Variants in CCDC126 observed in about 807,000 individuals in gnomAD.
The protein encoded by CCDC126 is coiled-coil domain containing 126, also known as coiled-coil domain-containing protein 126.
In CCDC126, 5 loss-of-function variants were observed where a neutral mutation model predicts 11.7. That is an observed-to-expected ratio of 0.43 (90% CI 0.22 to 0.90). CCDC126 has a LOEUF of 0.90. CCDC126 is among the 40% of genes least tolerant of loss of function. The probability of loss-of-function intolerance (pLI) is 0.27; values close to 1 mark genes in which losing one functional copy is unlikely to be tolerated. For missense variants in CCDC126, 150 were observed against 163.1 expected, an observed-to-expected ratio of 0.92 and a Z score of 0.44; for synonymous variants, 60 against 61.9, an observed-to-expected ratio of 0.97 and a Z score of 0.14.
chr7:23,643,198 C>T lies in CCDC126; in HGVS notation c.*83C>T. On this transcript the variant is annotated 3_prime_UTR_variant, in exon 4 of 4. Coordinates refer to ENST00000307471, the MANE Select transcript of CCDC126 (RefSeq NM_138771.4). ...AAGCTTTATAATTGCTGGCTTAGGA[C>T]AGAGCAATACTTTACAATAAAAGCT... is the stretch of plus-strand genomic sequence containing the variant. 8 of 1,152,580 alleles carry T rather than the reference C, an allele frequency of 6.9e-6. No individual in the cohort carries two copies. Among genetic ancestry groups the T allele is most frequent in the Non-Finnish European group, 9.8e-6 (8 of 818,442 alleles). 71.4% of individuals were successfully genotyped at this position (1,152,580 alleles called of 1,614,324 possible). A position where few individuals can be genotyped will look rare whatever the true frequency, so the allele number is the denominator to read the frequency against.
chr7:23,641,472 A>G (rs937983005), intron 3 of CCDC126, among the ~76,000 whole-genome samples: 6 of 152,126 alleles, frequency 3.9e-5, no homozygotes, highest in African/African-American at 1.4e-4. Context: ...CATTTTCTTG[A>G]TTAATGTCCT....
chr7:23,605,054 G>A (rs1043508556), intron 2 of CCDC126, among the ~76,000 whole-genome samples: 1 of 151,866 alleles, frequency 6.6e-6, no homozygotes, highest in Non-Finnish European at 1.5e-5. Flanking sequence ...AGTGGGATAG[G>A]AATTGGAGTG....
chr7:23,630,750 C>CAA (rs1783096408), intron 3 of CCDC126, among the ~76,000 whole-genome samples: 2 of 135,392 alleles, frequency 1.5e-5, no homozygotes, highest in South Asian at 2.3e-4. Flanking sequence ...AAAAAAAAGT[C>CAA]CATAGAATAT....
At chr7:23,636,274 A>G (rs370721238) in intron 3 of CCDC126, among the ~76,000 whole-genome samples, 1 of 151,682 alleles carries the variant, frequency 6.6e-6, no homozygotes, top group Non-Finnish European at 1.5e-5. Flanking sequence ...GCCTCTGCCC[A>G]GCCGCCACCC....
intron 3 of CCDC126, chr7:23,622,687 A>G (rs1782936141): frequency 1.9e-6 from 1 of 531,888 alleles, no homozygotes; most frequent in South Asian, 1.4e-5. Context: ...ACTGCTTAGT[A>G]CAGAGAGTAG....
At chr7:23,602,049 C>T (rs898812945) in intron 2 of CCDC126, 4 of 152,104 alleles carry the variant, frequency 2.6e-5, no homozygotes, top group African/African-American at 9.7e-5. Context: ...ATGTCTGTGG[C>T]TAGGGAGAAA....
intron 3 of CCDC126, among the ~76,000 whole-genome samples, chr7:23,641,825 C>T (rs1783363075): frequency 6.6e-6 from 1 of 152,212 alleles, no homozygotes; most frequent in Non-Finnish European, 1.5e-5. Flanking sequence ...TCTTCCCCAC[C>T]ATTTTTCTGC....
chr7:23,617,164 A>G (rs1401784566), intron 3 of CCDC126, among the ~76,000 whole-genome samples: 3 of 152,020 alleles, frequency 2.0e-5, no homozygotes, highest in African/African-American at 4.8e-5. Context: ...CCTGGCCGAC[A>G]TGGTGAAACC....
intron 3 of CCDC126, among the ~76,000 whole-genome samples, chr7:23,637,935 C>G (rs1584219484): frequency 8.0e-6 from 1 of 125,512 alleles, no homozygotes; most frequent in Non-Finnish European, 1.8e-5. Flanking sequence ...ACCCCTCTGC[C>G]CGGCCAGCCG....
At chr7:23,622,535 C>G in intron 3 of CCDC126, 3 of 521,368 alleles carry the variant, frequency 5.8e-6, no homozygotes, top group East Asian at 1.1e-4. Context: ...GATGGACTGT[C>G]TGTATGCCAG....
At chr7:23,619,408 GA>G in intron 3 of CCDC126, 1 of 420,848 alleles carries the variant, frequency 2.4e-6, no homozygotes, top group South Asian at 1.9e-5. Flanking sequence ...GAGGCTTAAA[GA>G]AAAGGATAGA....
chr7:23,632,838 A>C (rs1420049371), intron 3 of CCDC126, among the ~76,000 whole-genome samples: 1 of 152,222 alleles, frequency 6.6e-6, no homozygotes, highest in Non-Finnish European at 1.5e-5. Flanking sequence ...GTAGATATTT[A>C]AGACGTAGTC....
intron 2 of CCDC126, among the ~76,000 whole-genome samples, chr7:23,608,466 T>C (rs1782655730): frequency 6.6e-6 from 1 of 152,202 alleles, no homozygotes; most frequent in African/African-American, 2.4e-5. Flanking sequence ...ACTATGATTT[T>C]TTTTGTGATT....
At chr7:23,611,688 A>C (rs1782713684) in intron 3 of CCDC126, 135 bp downstream of exon 3, 2 of 655,308 alleles carry the variant, frequency 3.1e-6, no homozygotes, top group African/African-American at 3.6e-5. Context: ...AAAATTTCAA[A>C]TGTACTGAAA....
intron 3 of CCDC126, among the ~76,000 whole-genome samples, chr7:23,630,861 A>G (rs1783098698): frequency 6.6e-6 from 1 of 152,034 alleles, no homozygotes; most frequent in African/African-American, 2.4e-5. Flanking sequence ...TGTAGAAATC[A>G]ATAATGGAAA....
chr7:23,631,722 C>G (rs931024556), intron 3 of CCDC126, among the ~76,000 whole-genome samples: 1 of 151,828 alleles, frequency 6.6e-6, no homozygotes, highest in African/African-American at 2.4e-5. Context: ...GATGGAGCCA[C>G]TGCACCTCAG....
rs987824867 is a variant in CCDC126 at position 23,643,886 on chromosome 7, T to G, written c.*771T>G. The G allele has an allele frequency of 2.6e-5, 4 of 152,138 alleles. No homozygotes were observed. The highest frequency in any genetic ancestry group is 9.7e-5 in the African/African-American group (4 of 41,446). The allele number at this position is 152,138 out of a possible 1,614,324, so 9.4% of individuals were successfully genotyped here. A position where few individuals can be genotyped will look rare whatever the true frequency, so the allele number is the denominator to read the frequency against. On this transcript the variant is annotated 3_prime_UTR_variant, in exon 4 of 4. Coordinates refer to ENST00000307471, the MANE Select transcript of CCDC126 (RefSeq NM_138771.4). ...TTATGATGAGAGTAACAATAAAGTA[T>G]TCATGATTTTTCACATACATGAATG...
chr7:23,613,402 A>G (rs532173533), intron 3 of CCDC126, among the ~76,000 whole-genome samples: 1 of 152,258 alleles, frequency 6.6e-6, no homozygotes, highest in South Asian at 2.1e-4. Flanking sequence ...TCTACTCCCA[A>G]AAGTCCTCAA....
At chr7:23,639,155 C>T (rs1383711928) in intron 3 of CCDC126, among the ~76,000 whole-genome samples, 2 of 150,594 alleles carry the variant, frequency 1.3e-5, no homozygotes, top group Non-Finnish European at 3.0e-5. Flanking sequence ...ATATATCTTT[C>T]ATCTAAACTC....
Sources: allele counts gnomAD v4.1 joint callset (sites outside exome capture counted in the v4.1 genomes callset), GRCh38; gene constraint gnomAD v4.1.1; transcripts MANE v1.5; gene names NCBI Gene and HGNC (gene_info 2026-07-23, HGNC 2026-07-21).